The following FGF7 variants were observed in gnomAD, a reference collection of about 807,000 sequenced individuals.
FGF7 encodes the protein fibroblast growth factor 7, also known as FGF-7.
FGF7 carries 6 observed loss-of-function variants against 20.5 expected under a neutral mutation model. The ratio of observed to expected loss-of-function variants is 0.29; its 90% CI spans 0.16 to 0.58. FGF7 has a LOEUF of 0.58. Ranked by LOEUF, FGF7 falls within the 20% of genes least tolerant of loss-of-function variation. The pLI is 0.90. For missense variants in FGF7, 144 were observed against 228.8 expected (o/e 0.63, Z 2.39); for synonymous variants, 64 against 74.7 (o/e 0.86, Z 0.74).
chr15:49,459,698 T>C (rs1395230661), intron 2 of FGF7, among the ~76,000 whole-genome samples: 1 of 152,180 alleles, frequency 6.6e-6, no homozygotes, highest in Non-Finnish European at 1.5e-5. Flanking sequence ...AAAATGACTG[T>C]ACACATTTTC....
chr15:49,459,691 A>T (rs2053620880), intron 2 of FGF7, among the ~76,000 whole-genome samples: 2 of 152,176 alleles, frequency 1.3e-5, no homozygotes, highest in Admixed American at 6.6e-5. Context: ...GCTTTCAAAA[A>T]TGACTGTACA....
chr15:49,477,805 G>A lies in FGF7; in HGVS notation c.287-5346G>A, dbSNP rs575701899. ...TTGCATTCCCACTAGTAATGAAAGA[G>A]TTTTGGTTGCTTTGCATCCTTGCCA... On this transcript the variant is annotated intron_variant, in intron 2 of 3. Coordinates refer to ENST00000267843, the MANE Select transcript of FGF7 (RefSeq NM_002009.4). Among the ~76,000 whole-genome samples the A allele has an allele frequency of 1.5e-4, 23 of 152,306 alleles. No homozygotes were observed. The South Asian group carries it at 3.7e-3, about 25-fold the overall frequency.
chr15:49,444,930 T>G (rs2052044124), intron 2 of FGF7, among the ~76,000 whole-genome samples: 1 of 151,676 alleles, frequency 6.6e-6, no homozygotes, highest in South Asian at 2.1e-4. Context: ...AAGCTTTGTG[T>G]GTAAACTTAA....
At chr15:49,478,151 T>C (rs1324565940) in intron 2 of FGF7, among the ~76,000 whole-genome samples, 10 of 152,168 alleles carry the variant, frequency 6.6e-5, no homozygotes, top group Non-Finnish European at 1.3e-4. Flanking sequence ...CTCCCACTTA[T>C]AAGGGAAAAC....
chr15:49,432,992 T>TA (rs2050750463), intron 2 of FGF7, among the ~76,000 whole-genome samples: 1 of 151,616 alleles, frequency 6.6e-6, no homozygotes, highest in African/African-American at 2.4e-5. Flanking sequence ...TCTAAAACAA[T>TA]AAATTTTTAC....
chr15:49,453,827 C>A (rs1014415636), intron 2 of FGF7, among the ~76,000 whole-genome samples: 1 of 152,112 alleles, frequency 6.6e-6, no homozygotes, highest in African/African-American at 2.4e-5. Flanking sequence ...AATTCAGGAT[C>A]TTCCCCCTCA....
rs1420969870 is a variant in FGF7 at position 49,441,531 on chromosome 15, T to C, written c.286+16948T>C. Among the ~76,000 whole-genome samples, 4 of 151,610 alleles carry C rather than the reference T, an allele frequency of 2.6e-5. No individual in the cohort carries two copies. The East Asian group carries it at 5.8e-4, about 22-fold the overall frequency. Reference sequence around the variant, plus strand: ...ACCAGGAAAGTAGACCAGGAAGCATTACAGACAAAGTGGGACACAAAGATT... The same window carrying C: ...ACCAGGAAAGTAGACCAGGAAGCATCACAGACAAAGTGGGACACAAAGATT... On this transcript the variant is annotated intron_variant, in intron 2 of 3. Coordinates refer to ENST00000267843, the MANE Select transcript of FGF7 (RefSeq NM_002009.4).
chr15:49,480,545 C>G (rs2055845047), intron 2 of FGF7, among the ~76,000 whole-genome samples: 1 of 149,778 alleles, frequency 6.7e-6, no homozygotes, highest in Non-Finnish European at 1.5e-5. Flanking sequence ...GCAGTGGCGC[C>G]ATTTTGGCTC....
intron 2 of FGF7, among the ~76,000 whole-genome samples, chr15:49,438,399 C>G (rs2151823523): frequency 6.6e-6 from 1 of 151,776 alleles, no homozygotes; most frequent in East Asian, 2.0e-4. Context: ...CAATGAATAT[C>G]CATTGCTTTG....
Position 49,485,302 on chromosome 15 carries a change from T to C in FGF7, c.*798T>C, listed in dbSNP as rs1259939062. 2.0e-5 allele frequency: 3 copies of C among 152,400 alleles called. No individual in the cohort carries two copies. 9.4% of individuals were successfully genotyped at this position (152,400 alleles called of 1,614,324 possible). ...AAAGTAAAATTGAGAAATCTTTAAGTTTTTTTCAAGTAACATAATCTATCT... is the reference window on the plus strand; with the variant it reads ...AAAGTAAAATTGAGAAATCTTTAAGCTTTTTTCAAGTAACATAATCTATCT... On this transcript the variant is annotated 3_prime_UTR_variant, in exon 4 of 4. Transcript: ENST00000267843.
chr15:49,458,317 T>C (rs916810053), intron 2 of FGF7, among the ~76,000 whole-genome samples: 9 of 152,068 alleles, frequency 5.9e-5, no homozygotes, highest in African/African-American at 1.7e-4. Flanking sequence ...ATTTAAATAG[T>C]CATAATCCAC....
intron 2 of FGF7, among the ~76,000 whole-genome samples, chr15:49,461,432 G>A (rs1054020605): frequency 3.3e-5 from 5 of 151,908 alleles, no homozygotes; most frequent in African/African-American, 1.2e-4. Context: ...ACTATAAAAA[G>A]AGGAGTGGCT....
chr15:49,458,559 A>T (rs578122656), intron 2 of FGF7, among the ~76,000 whole-genome samples: 1 of 152,250 alleles, frequency 6.6e-6, no homozygotes, highest in Non-Finnish European at 1.5e-5. Context: ...TAAGAACAGG[A>T]TGACTAAAAA....
At chr15:49,461,258 G>T (rs1339480450) in intron 2 of FGF7, among the ~76,000 whole-genome samples, 2 of 152,128 alleles carry the variant, frequency 1.3e-5, no homozygotes, top group East Asian at 3.8e-4. Context: ...ATCTCAAAAG[G>T]CAATTAGTTC....
At chr15:49,439,188 T>C (rs1390019436) in intron 2 of FGF7, among the ~76,000 whole-genome samples, 2 of 151,652 alleles carry the variant, frequency 1.3e-5, no homozygotes, top group African/African-American at 2.4e-5. Flanking sequence ...GGCAACTTCC[T>C]CTTTGCTATG....
At chr15:49,470,245 T>G (rs1199301310) in intron 2 of FGF7, among the ~76,000 whole-genome samples, 2 of 151,548 alleles carry the variant, frequency 1.3e-5, no homozygotes, top group Admixed American at 6.6e-5. Context: ...TATAATTCTT[T>G]AACACTGGGA....
intron 2 of FGF7, among the ~76,000 whole-genome samples, chr15:49,452,138 T>A (rs916648772): frequency 4.0e-5 from 6 of 151,864 alleles, no homozygotes; most frequent in African/African-American, 1.5e-4. Context: ...GCCTTCTAGG[T>A]TCAAGCAATT....
Position 49,431,984 on chromosome 15 carries a change from C to T in FGF7, c.286+7401C>T, listed in dbSNP as rs112607473. 2.8e-3 allele frequency among the ~76,000 whole-genome samples: 422 copies of T among 151,730 alleles called. 3 individuals are homozygous for T. Among genetic ancestry groups the T allele is most frequent in the African/African-American group, 9.1e-3 (376 of 41,470 alleles). Reference sequence around the variant, plus strand: ...TGATAATAAATTATTACAGGTATTACTCAAATAGGTTTGAATCTCTTGGTT... The same window carrying T: ...TGATAATAAATTATTACAGGTATTATTCAAATAGGTTTGAATCTCTTGGTT... On this transcript the variant is annotated intron_variant, in intron 2 of 3. Transcript: ENST00000267843.
intron 2 of FGF7, among the ~76,000 whole-genome samples, chr15:49,475,114 GT>G (rs1410881625): frequency 6.6e-6 from 1 of 152,086 alleles, no homozygotes; most frequent in Non-Finnish European, 1.5e-5. Flanking sequence ...AAATTGATCA[GT>G]TTGATTAATT....
Sources: gnomAD v4.1 joint callset for allele counts (sites outside exome capture counted in the v4.1 genomes callset) on GRCh38, gnomAD v4.1.1 for gene constraint, MANE v1.5 for transcripts, NCBI Gene and HGNC (gene_info 2026-07-23, HGNC 2026-07-21) for gene names.